The following SNAP91 variants were observed in gnomAD, a reference collection of about 807,000 sequenced individuals.
The protein encoded by SNAP91 is clathrin coat assembly protein AP180.
In SNAP91, 27 loss-of-function variants were observed where a neutral mutation model predicts 100.3. The ratio of observed to expected loss-of-function variants is 0.27; its 90% CI spans 0.20 to 0.37. The LOEUF (loss-of-function observed/expected upper bound fraction) is 0.37, where lower values mean the gene tolerates loss of function less well. Ranked by LOEUF, SNAP91 falls within the 10% of genes least tolerant of loss-of-function variation. The pLI, the probability that SNAP91 is intolerant of heterozygous loss-of-function variation, is 1.00. For synonymous variants in SNAP91, 404 were observed against 398.6 expected (o/e 1.01, Z -0.16); for missense variants, 986 against 1,123.7 (o/e 0.88, Z 1.75).
At chr6:83,626,230 G>A (rs545250738) in intron 8 of SNAP91, among the ~76,000 whole-genome samples, 2 of 152,080 alleles carry the variant, frequency 1.3e-5, no homozygotes, top group East Asian at 1.9e-4. Flanking sequence ...GTCTGTTTTT[G>A]TAACAGTATC....
chr6:83,665,519 C>T lies in SNAP91; in HGVS notation c.193G>A (p.Glu65Lys). ...NIPQMADTLF[E>K]RATNSSWVVV... The stretch of plus-strand genomic sequence containing the variant: ...ACCCAGCTACTGTTTGTTGCCCGCT[C>T]AAAGAGAGTGTCGGCCATCTGAGGA... The change falls in exon 3 of 30, where the codon GAG (glutamate) becomes AAG (lysine). Residue 65 changes from glutamate to lysine, a missense_variant. Coordinates refer to ENST00000369694, the MANE Select transcript of SNAP91 (RefSeq NM_001242792.2). The T allele has an allele frequency of 6.2e-7, 1 of 1,612,796 alleles. No homozygotes were observed. Among genetic ancestry groups the T allele is most frequent in the Non-Finnish European group, 8.5e-7 (1 of 1,179,240 alleles).
At position 83,591,212 on chromosome 6, in the gene SNAP91, A is replaced by T. The variant is rs1262740927; in HGVS notation, c.2013T>A (p.Ala671=). Residue 671 remains alanine (A), a splice_region_variant and synonymous_variant, in exon 22 of 30, where the codon GCT becomes GCA. Coordinates refer to ENST00000369694, the MANE Select transcript of SNAP91 (RefSeq NM_001242792.2). ...SSSSASADLL[A]GFGGSFMAPS... is the part of the protein sequence containing the mutation. ...AAAATACCATTTTAATTTAATTACC[A>T]GCTAGTAGGTCTGCCGATGCTGATG... The T allele has an allele frequency of 1.9e-6, 3 of 1,594,114 alleles. No homozygotes were observed. Among genetic ancestry groups the T allele is most frequent in the Non-Finnish European group, 2.6e-6 (3 of 1,163,178 alleles).
At chr6:83,661,820 C>T (rs2098548729) in intron 4 of SNAP91, among the ~76,000 whole-genome samples, 1 of 152,156 alleles carries the variant, frequency 6.6e-6, no homozygotes, top group South Asian at 2.1e-4. Context: ...TCCACCATTC[C>T]AGTACAGAAT....
chr6:83,556,146 A>G lies in SNAP91; in HGVS notation c.*7T>C. ...GGAAAAGCTCAATATTAGATACCTTAAATTGTTTACAAGAAATCCTTGATG... is the reference window on the plus strand; with the variant it reads ...GGAAAAGCTCAATATTAGATACCTTGAATTGTTTACAAGAAATCCTTGATG... On this transcript the variant is annotated 3_prime_UTR_variant, in exon 29 of 30. Coordinates refer to ENST00000369694, the MANE Select transcript of SNAP91 (RefSeq NM_001242792.2). 6.5e-7 allele frequency: 1 copy of G among 1,531,604 alleles called. No individual in the cohort carries two copies. Among genetic ancestry groups the G allele is most frequent in the Non-Finnish European group, 8.9e-7 (1 of 1,127,910 alleles). The allele number at this position is 1,531,604 out of a possible 1,614,324, so 94.9% of individuals were successfully genotyped here.
At chr6:83,678,957 A>T (rs1249531865) in intron 2 of SNAP91, 1 of 1,004,028 alleles carries the variant, frequency 1.0e-6, no homozygotes, top group African/African-American at 1.8e-5. Context: ...ATGAAAAAAA[A>T]AAATACAGCT....
intron 5 of SNAP91, among the ~76,000 whole-genome samples, chr6:83,659,736 T>C (rs2098499093): frequency 6.6e-6 from 1 of 151,974 alleles, no homozygotes; most frequent in Non-Finnish European, 1.5e-5. Flanking sequence ...CCAATCAAAA[T>C]ATAAGCTTTC....
At chr6:83,559,718 C>T (rs1418845612) in intron 28 of SNAP91, among the ~76,000 whole-genome samples, 4 of 152,098 alleles carry the variant, frequency 2.6e-5, no homozygotes, top group Non-Finnish European at 4.4e-5. Context: ...GTTAGTGTCA[C>T]GAGTCTTGGG....
Position 83,687,655 on chromosome 6 carries a change from G to A in SNAP91, c.130+20143C>T, listed in dbSNP as rs145813741. Among the ~76,000 whole-genome samples, 1,227 of 152,200 alleles carry A rather than the reference G, an allele frequency of 8.1e-3. 13 individuals carry two copies. The highest frequency in any genetic ancestry group is 0.028 in the African/African-American group (1,143 of 41,528). On this transcript the variant is annotated intron_variant, in intron 2 of 29. Transcript: ENST00000369694. Reference sequence around the variant, plus strand: ...GCCATGGCTGGAAATATGTTTGAAAGGATTACTCCAACTACTGTGTTAAGA... The same window carrying A: ...GCCATGGCTGGAAATATGTTTGAAAAGATTACTCCAACTACTGTGTTAAGA...
At chr6:83,708,693 T>C (rs1303573221) in intron 1 of SNAP91, 152 bp downstream of exon 1, 1 of 152,360 alleles carries the variant, frequency 6.6e-6, no homozygotes, top group African/African-American at 2.4e-5. Flanking sequence ...GGAGCCGGGC[T>C]GACAGCGAAG....
chr6:83,692,986 G>A (rs570782199), intron 2 of SNAP91, among the ~76,000 whole-genome samples: 1 of 152,146 alleles, frequency 6.6e-6, no homozygotes, highest in Admixed American at 6.5e-5. Context: ...TGTTGCCCAT[G>A]CTGGGTTTTA....
intron 2 of SNAP91, among the ~76,000 whole-genome samples, chr6:83,697,673 T>C (rs532116940): frequency 2.6e-4 from 40 of 152,306 alleles, no homozygotes; most frequent in African/African-American, 9.4e-4. Flanking sequence ...TTTGTTTGTA[T>C]TCCTCCAATA....
chr6:83,658,945 CAA>C, intron 6 of SNAP91, 52 bp downstream of exon 6: 1 of 1,366,182 alleles, frequency 7.3e-7, no homozygotes. Context: ...AGCCCATCTT[CAA>C]ATGAAAGACA....
chr6:83,591,255 G>C lies in SNAP91; in HGVS notation c.1970C>G (p.Ser657Cys). The C allele has an allele frequency of 6.2e-7, 1 of 1,613,076 alleles. No individual in the cohort carries two copies. Among genetic ancestry groups the C allele is most frequent in the Non-Finnish European group, 8.5e-7 (1 of 1,179,202 alleles). The change falls in exon 22 of 30, where the codon TCT becomes TGT. Residue 657 changes from serine (S) to cysteine (C), a missense_variant. Around this residue, in one of 4 missense-constraint regions of SNAP91, gnomAD observed 575 missense variants for 579.9 expected, o/e 0.99. Transcript: ENST00000369694. ...TGCTGATGAACTAGAAGCAGCCTGA[G>C]ATGCAGGTTGGGGTTCAGAAGCACT... Reference protein sequence around the residue: ...GSSASEPQPASQAASSSSASA... With the variant: ...GSSASEPQPACQAASSSSASA...
chr6:83,610,718 TA>T, intron 11 of SNAP91, 41 bp from the exon 12 acceptor site: 1 of 164,960 alleles, frequency 6.1e-6, no homozygotes, highest in Non-Finnish European at 1.1e-5. Context: ...TGAATATATA[TA>T]TATATATATA....
At chr6:83,608,207 C>A (rs1304131243) in intron 12 of SNAP91, among the ~76,000 whole-genome samples, 1 of 151,948 alleles carries the variant, frequency 6.6e-6, no homozygotes, top group African/African-American at 2.4e-5. Flanking sequence ...TTCTTGTCAT[C>A]CTAAAAAGAT....
chr6:83,645,737 G>A (rs1454069615), intron 7 of SNAP91, among the ~76,000 whole-genome samples: 1 of 152,096 alleles, frequency 6.6e-6, no homozygotes, highest in African/African-American at 2.4e-5. Flanking sequence ...TGTAATCCCA[G>A]CTACTCGGGA....
intron 3 of SNAP91, 122 bp from the exon 4 acceptor site, chr6:83,662,544 A>C (rs929356451): frequency 5.2e-6 from 2 of 382,164 alleles, no homozygotes; most frequent in Non-Finnish European, 9.5e-6. Context: ...CTCAGTTATA[A>C]AGTTTCCTAG....
intron 22 of SNAP91, among the ~76,000 whole-genome samples, chr6:83,587,184 A>T (rs867954848): frequency 4.6e-5 from 7 of 151,988 alleles, no homozygotes; most frequent in South Asian, 2.1e-4. Flanking sequence ...AATCTCTAAA[A>T]TCATTTTAAA....
At chr6:83,684,505 C>T (rs576234019) in intron 2 of SNAP91, among the ~76,000 whole-genome samples, 1 of 152,244 alleles carries the variant, frequency 6.6e-6, no homozygotes, top group Non-Finnish European at 1.5e-5. Flanking sequence ...TCATATAATA[C>T]CTTCTTTGCA....
Sources: gnomAD v4.1 joint callset for allele counts (sites outside exome capture counted in the v4.1 genomes callset) on GRCh38, gnomAD v4.1.1 for gene constraint, gnomAD v4.1.1 regional missense constraint, MANE v1.5 for transcripts, NCBI Gene and HGNC (gene_info 2026-07-23, HGNC 2026-07-21) for gene names.